XKR9: variants seen among roughly 807,000 people sequenced by gnomAD.
XKR9 encodes XK-related protein 9.
In XKR9, 32 loss-of-function variants were observed where a neutral mutation model predicts 32.0. That is an observed-to-expected ratio of 1.00 (90% CI 0.76 to 1.34). The LOEUF (loss-of-function observed/expected upper bound fraction) is 1.34. Among genes scored for constraint, XKR9 ranks in the 40% most tolerant of loss-of-function variants. XKR9 has a pLI of 0.00. For missense variants in XKR9, 546 were observed against 429.7 expected, an observed-to-expected ratio of 1.27 and a Z score of -2.39; for synonymous variants, 168 against 143.4, an observed-to-expected ratio of 1.17 and a Z score of -1.22.
At chr8:70,829,171 G>A in the XKR9 span, among the ~76,000 whole-genome samples, 1 of 152,146 alleles carries the variant, frequency 6.6e-6, no homozygotes, top group Non-Finnish European at 1.5e-5. Flanking sequence ...CCAAGCTTCT[G>A]TACTTAACAA....
chr8:70,815,811 T>G, the XKR9 span, among the ~76,000 whole-genome samples: 1 of 152,090 alleles, frequency 6.6e-6, no homozygotes, highest in Non-Finnish European at 1.5e-5. Context: ...AGTCGTGAGC[T>G]ACTGCACCCG....
intron 3 of XKR9, among the ~76,000 whole-genome samples, chr8:70,701,561 G>C (rs1293794039): frequency 6.6e-6 from 1 of 152,144 alleles, no homozygotes; most frequent in African/African-American, 2.4e-5. Context: ...TTCAGGAAGT[G>C]GCAGAATACT....
chr8:71,021,440 G>A, the XKR9 span, among the ~76,000 whole-genome samples: 2 of 151,350 alleles, frequency 1.3e-5, no homozygotes, highest in Non-Finnish European at 2.9e-5. Flanking sequence ...GTTGGATACA[G>A]AGTTTGCAAA....
the XKR9 span, among the ~76,000 whole-genome samples, chr8:70,955,656 C>T: frequency 6.6e-6 from 1 of 152,198 alleles, no homozygotes. Flanking sequence ...CTGAGTTTTG[C>T]TTGGGCCTGC....
the XKR9 span, among the ~76,000 whole-genome samples, chr8:70,842,356 C>A: frequency 1.8e-3 from 280 of 152,290 alleles, 2 homozygotes; most frequent in African/African-American, 6.4e-3. Context: ...CTTCTACTTT[C>A]CTTGCCAAGA....
intron 2 of XKR9, among the ~76,000 whole-genome samples, chr8:70,742,178 A>C (rs1337636234): frequency 2.0e-5 from 3 of 152,338 alleles, no homozygotes; most frequent in East Asian, 1.9e-4. Context: ...GAATAACAAC[A>C]AAAAAGCCTA....
chr8:70,959,276 T>C, the XKR9 span, among the ~76,000 whole-genome samples: 2 of 152,212 alleles, frequency 1.3e-5, no homozygotes, highest in Admixed American at 6.5e-5. Flanking sequence ...TTCCCACATA[T>C]AGGCATCTAC....
At chr8:70,999,465 A>G in the XKR9 span, among the ~76,000 whole-genome samples, 1 of 152,224 alleles carries the variant, frequency 6.6e-6, no homozygotes, top group African/African-American at 2.4e-5. Flanking sequence ...AAAAAGTAAT[A>G]TAATCATGAG....
intron 2 of XKR9, among the ~76,000 whole-genome samples, chr8:70,771,649 A>T (rs1807455254): frequency 6.6e-6 from 1 of 152,190 alleles, no homozygotes; most frequent in African/African-American, 2.4e-5. Context: ...TATGACATTA[A>T]TTGAAGATTG....
the XKR9 span, among the ~76,000 whole-genome samples, chr8:70,829,741 C>A: frequency 6.6e-6 from 1 of 152,158 alleles, no homozygotes; most frequent in African/African-American, 2.4e-5. Flanking sequence ...AGCCACGGCG[C>A]CCAGCCTGAA....
At chr8:70,796,236 T>C in the XKR9 span, among the ~76,000 whole-genome samples, 3 of 152,248 alleles carry the variant, frequency 2.0e-5, no homozygotes, top group Admixed American at 2.0e-4. Context: ...TACTAGGCTC[T>C]GGTGCCTGTT....
At chr8:70,747,632 C>A in intron 2 of XKR9, among the ~76,000 whole-genome samples, 1 of 152,134 alleles carries the variant, frequency 6.6e-6, no homozygotes, top group East Asian at 1.9e-4. Flanking sequence ...ACATTTGTTT[C>A]TTTATAAATT....
At chr8:70,924,728 A>G in the XKR9 span, among the ~76,000 whole-genome samples, 8 of 152,214 alleles carry the variant, frequency 5.3e-5, no homozygotes, top group African/African-American at 1.7e-4. Flanking sequence ...CATTAAACTC[A>G]CAAAAGTTTG....
At chr8:70,723,464 G>A (rs1024733294) in intron 4 of XKR9, among the ~76,000 whole-genome samples, 1 of 152,164 alleles carries the variant, frequency 6.6e-6, no homozygotes, top group Non-Finnish European at 1.5e-5. Flanking sequence ...GCTCTTTGAT[G>A]CTGATGACCT....
downstream of XKR9, among the ~76,000 whole-genome samples, chr8:70,791,232 A>G (rs961493550): frequency 6.6e-6 from 1 of 151,818 alleles, no homozygotes; most frequent in African/African-American, 2.4e-5. Flanking sequence ...AGCGCTTTGG[A>G]AAGCTGAGGT....
chr8:70,776,947 C>CTCTCTCTATATATATATATA lies in XKR9; in HGVS notation n.353-12391_353-12390insCTCTCTATATATATATATAT. 7.2e-4 allele frequency among the ~76,000 whole-genome samples: 39 copies of CTCTCTCTATATATATATATA among 54,202 alleles called. 1 individual carries two copies. Among genetic ancestry groups the CTCTCTCTATATATATATATA allele is most frequent in the Middle Eastern group, 0.013 (1 of 76 alleles). The allele number at this position is 54,202 out of a possible 152,430, so 35.6% of individuals were successfully genotyped here. A position where few individuals can be genotyped will look rare whatever the true frequency, so the allele number is the denominator to read the frequency against. On this transcript the variant is annotated intron_variant and non_coding_transcript_variant, in intron 2 of 3. Coordinates refer to the XKR9 transcript ENST00000520273. The stretch of plus-strand genomic sequence containing the variant: ...TTTCTCTCTCTCTCTCTCTCTCTCT[C>CTCTCTCTATATATATATATA]TATATATATATATATATGTATGTAT...
the XKR9 span, among the ~76,000 whole-genome samples, chr8:70,886,467 G>C: frequency 6.6e-6 from 1 of 152,080 alleles, no homozygotes; most frequent in Non-Finnish European, 1.5e-5. Flanking sequence ...ATCACCACAT[G>C]GTTTTCCACA....
chr8:70,871,729 A>G, the XKR9 span, among the ~76,000 whole-genome samples: 1 of 152,198 alleles, frequency 6.6e-6, no homozygotes, highest in Non-Finnish European at 1.5e-5. Context: ...ACAATGGCCT[A>G]TAAGTATTCA....
At chr8:70,929,018 G>A in the XKR9 span, among the ~76,000 whole-genome samples, 1 of 152,288 alleles carries the variant, frequency 6.6e-6, no homozygotes, top group South Asian at 2.1e-4. Flanking sequence ...CCCAATGTGA[G>A]CATCTTGAAG....
Sources: allele counts gnomAD v4.1 joint callset (sites outside exome capture counted in the v4.1 genomes callset), GRCh38; gene constraint gnomAD v4.1.1; transcripts MANE v1.5; gene names NCBI Gene and HGNC (gene_info 2026-07-23, HGNC 2026-07-21).